Variants in PJVK observed in about 807,000 individuals in gnomAD.
PJVK encodes pejvakin.
PJVK carries 33 observed loss-of-function variants against 37.6 expected under a neutral mutation model. The observed-to-expected ratio is 0.88, with a 90% CI of 0.67 to 1.17. The LOEUF is 1.17. PJVK is among the 50% of genes most tolerant of loss of function. The pLI is 0.00. For missense variants in PJVK, 410 were observed against 413.8 expected (o/e 0.99, Z 0.08); for synonymous variants, 141 against 143.5 (o/e 0.98, Z 0.13).
chr2:178,461,076 T>A lies in PJVK; in HGVS notation c.861T>A (p.Ile287=), dbSNP rs753921984. ...YYDKPLSMTD[I]SLKEGTHIRV... The stretch of plus-strand genomic sequence containing the variant: ...ACAAACCTCTCAGCATGACTGATAT[T>A]TCACTCAAAGAAGGGACCCATATCC... The change falls in exon 7 of 7, where the codon ATT becomes ATA. Residue 287 remains isoleucine, a synonymous_variant. Transcript: ENST00000644580. 2.5e-6 allele frequency: 4 copies of A among 1,614,118 alleles called. No individual in the cohort carries two copies. In the South Asian group the frequency reaches 4.4e-5, roughly 18 times the overall value.
chr2:178,453,396 G>A lies in PJVK; in HGVS notation c.-14G>A, dbSNP rs944287431. ...TTATCTGGGGGTTGCAGTTGATGAC[G>A]TTTTGATTTTAATATGTTTGCTGCT... On this transcript the variant is annotated 5_prime_UTR_variant, in exon 2 of 7. Coordinates refer to ENST00000644580, the MANE Select transcript of PJVK (RefSeq NM_001042702.5). 3 of 1,613,884 alleles carry A rather than the reference G, an allele frequency of 1.9e-6. No individual in the cohort carries two copies. Among genetic ancestry groups the A allele is most frequent in the Non-Finnish European group, 2.5e-6 (3 of 1,179,908 alleles).
chr2:178,453,258 T>C (rs1697822573), intron 1 of PJVK, 130 bp from the exon 2 acceptor site: 2 of 754,624 alleles, frequency 2.7e-6, no homozygotes. Context: ...CAGGGAATTA[T>C]ACAGTGGTAA....
At chr2:178,460,576 C>G (rs1332333466) in intron 6 of PJVK, 130 bp downstream of exon 6, 1 of 860,662 alleles carries the variant, frequency 1.2e-6, no homozygotes, top group Non-Finnish European at 1.8e-6. Flanking sequence ...GGTATGGTGG[C>G]TCATGCCTAT....
chr2:178,453,621 G>GT lies in PJVK; in HGVS notation c.211+2dup. 2.5e-6 allele frequency: 4 copies of GT among 1,609,574 alleles called. No homozygotes were observed. Among genetic ancestry groups the GT allele is most frequent in the Non-Finnish European group, 3.4e-6 (4 of 1,177,236 alleles). On this transcript the variant is annotated splice_donor_variant, in intron 2 of 6. Transcript: ENST00000644580. LOFTEE classifies it high-confidence loss of function. ...CTAGGAGACAGAGAAATTTCAGCTG[G>GT]TAAGTTTAAATGTTTGGGAGTGCCA...
At chr2:178,459,124 A>G (rs1684322303) in intron 5 of PJVK, 1 of 470,286 alleles carries the variant, frequency 2.1e-6, no homozygotes, top group African/African-American at 2.0e-5. Context: ...AAGTGAAAAT[A>G]CTTCCTCCAA....
intron 5 of PJVK, 33 bp from the exon 6 acceptor site, chr2:178,460,315 A>C: frequency 2.7e-6 from 4 of 1,508,822 alleles, no homozygotes; most frequent in Non-Finnish European, 3.7e-6. Flanking sequence ...GAATTATTCA[A>C]GTTATAACAT....
At chr2:178,454,225 T>C in intron 2 of PJVK, 107 bp from the exon 3 acceptor site, 6 of 940,502 alleles carry the variant, frequency 6.4e-6, no homozygotes, top group Non-Finnish European at 9.5e-6. Flanking sequence ...GTTGCCTTTC[T>C]CTAACATTTG....
intron 5 of PJVK, 44 bp from the exon 6 acceptor site, chr2:178,460,303 AT>A: frequency 2.1e-6 from 3 of 1,458,362 alleles, no homozygotes; most frequent in Non-Finnish European, 2.9e-6. Context: ...ACAATAAAAT[AT>A]GAATTATTCA....
chr2:178,457,618 C>T (rs897852716), intron 4 of PJVK, among the ~76,000 whole-genome samples: 1 of 151,904 alleles, frequency 6.6e-6, no homozygotes, highest in Non-Finnish European at 1.5e-5. Flanking sequence ...GCAGTCTCTT[C>T]TCCAAACCAC....
chr2:178,460,551 T>A (rs947194040), intron 6 of PJVK, 105 bp downstream of exon 6: 2 of 1,116,126 alleles, frequency 1.8e-6, no homozygotes, highest in Non-Finnish European at 2.6e-6. Flanking sequence ...AAAATTTAAA[T>A]TTAAAAGCCT....
At chr2:178,452,331 T>A in intron 1 of PJVK, 5 of 984,758 alleles carry the variant, frequency 5.1e-6, no homozygotes, top group Non-Finnish European at 6.0e-6. Flanking sequence ...TGTTGTTTTG[T>A]TAGCATGTAA....
In PJVK at chr2:178,453,513, G is replaced by T. The variant is rs754450957; in HGVS notation, c.104G>T (p.Ser35Ile). Residue 35 changes from serine to isoleucine, a missense_variant, in exon 2 of 7, where the codon AGT (serine) becomes ATT (isoleucine). Transcript: ENST00000644580. Reference protein sequence around the residue: ...LSEADKYQPLSLVVKKKRCFL... With the variant: ...LSEADKYQPLILVVKKKRCFL... ...GAAGCTGACAAATATCAACCTCTAA[G>T]TCTGGTGGTAAAAAAGAAGCGATGC... is the stretch of plus-strand genomic sequence containing the variant. 1 of 1,614,092 alleles carries T rather than the reference G, an allele frequency of 6.2e-7. No homozygotes were observed. Among genetic ancestry groups the T allele is most frequent in the Non-Finnish European group, 8.5e-7 (1 of 1,179,992 alleles).
intron 5 of PJVK, chr2:178,459,712 A>G (rs1684365006): frequency 6.5e-6 from 1 of 154,372 alleles, no homozygotes; most frequent in African/African-American, 2.4e-5. Context: ...TTACAGTTTT[A>G]TTGATGGTTG....
At position 178,461,480 on chromosome 2, in the gene PJVK, CAT is replaced by C. The variant is rs994223119; in HGVS notation, c.*207_*208del. On this transcript the variant is annotated 3_prime_UTR_variant, in exon 7 of 7. Transcript: ENST00000644580. ...CTTAAGTTGTCATGAAAATTAATAACATTGTTTATATCAAAAAAGATTTACAT... is the reference window on the plus strand; with the variant it reads ...CTTAAGTTGTCATGAAAATTAATAACTGTTTATATCAAAAAAGATTTACAT... 5.8e-6 allele frequency: 3 copies of C among 518,440 alleles called. No individual in the cohort carries two copies. The East Asian group carries it at 1.1e-4, about 18-fold the overall frequency. 32.1% of individuals were successfully genotyped at this position (518,440 alleles called of 1,614,324 possible). A position where few individuals can be genotyped will look rare whatever the true frequency, so the allele number is the denominator to read the frequency against.
intron 4 of PJVK, among the ~76,000 whole-genome samples, chr2:178,456,761 C>T (rs868046132): frequency 2.3e-4 from 34 of 150,424 alleles, no homozygotes; most frequent in Admixed American, 1.5e-3. Context: ...AGTGAGACTC[C>T]GTCTCAAAAA....
At chr2:178,452,575 A>G in intron 1 of PJVK, 1 of 985,406 alleles carries the variant, frequency 1.0e-6, no homozygotes. Flanking sequence ...CTCAGGTAAA[A>G]TTCATTTTTT....
At chr2:178,457,626 C>T (rs1684210043) in intron 4 of PJVK, among the ~76,000 whole-genome samples, 1 of 152,166 alleles carries the variant, frequency 6.6e-6, no homozygotes, top group Non-Finnish European at 1.5e-5. Context: ...TTCTCCAAAC[C>T]ACCCATTTGC....
intron 2 of PJVK, 35 bp from the exon 3 acceptor site, chr2:178,454,297 G>T (rs758452174): frequency 7.1e-6 from 11 of 1,551,248 alleles, no homozygotes; most frequent in East Asian, 4.5e-5. Flanking sequence ...ATAAGATAAA[G>T]ATGTTTAAAA....
chr2:178,460,893 G>C, intron 6 of PJVK, 89 bp from the exon 7 acceptor site: 1 of 967,088 alleles, frequency 1.0e-6, no homozygotes. Flanking sequence ...TTCATGACTA[G>C]TGGATTCACA....
Sources: allele counts gnomAD v4.1 joint callset (sites outside exome capture counted in the v4.1 genomes callset), GRCh38; gene constraint gnomAD v4.1.1; transcripts MANE v1.5; gene names NCBI Gene and HGNC (gene_info 2026-07-23, HGNC 2026-07-21).